Variants in NPIPB2 observed in about 807,000 individuals in gnomAD.
The protein encoded by NPIPB2 is nuclear pore complex-interacting protein family member B2.
In NPIPB2, 27 loss-of-function variants were observed where a neutral mutation model predicts 30.8. The ratio of observed to expected loss-of-function variants is 0.88; its 90% confidence interval spans 0.65 to 1.21. The LOEUF (loss-of-function observed/expected upper bound fraction) is 1.21. Among genes scored for constraint, NPIPB2 ranks in the 50% most tolerant of loss-of-function variants. The probability of loss-of-function intolerance (pLI) is 0.00; values close to 1 mark genes in which losing one functional copy is unlikely to be tolerated. For synonymous variants in NPIPB2, 147 were observed against 162.0 expected, an observed-to-expected ratio of 0.91 and a Z score of 0.70; for missense variants, 440 against 446.2, an observed-to-expected ratio of 0.99 and a Z score of 0.13.
chr16:11,967,822 T>C, intron 1 of NPIPB2: 1 of 1,613,960 alleles, frequency 6.2e-7, no homozygotes, highest in South Asian at 1.1e-5. Context: ...GCTACGGAGA[T>C]AGAGAAATCA....
intron 1 of NPIPB2, among the ~76,000 whole-genome samples, chr16:11,950,351 T>A (rs1285620949): frequency 7.9e-5 from 12 of 152,018 alleles, no homozygotes; most frequent in Admixed American, 7.9e-4. Flanking sequence ...AATTTTTTTC[T>A]AAGAGATAGG....
rs532870878 is a variant in NPIPB2, at chr16:11,974,671, G to A, written c.-584+1897C>T. ...TTAAGTGTATGCTTATGTGTACAAGGTTATGATATAAAATACATTTCTTCA... is the reference window on the plus strand; with the variant it reads ...TTAAGTGTATGCTTATGTGTACAAGATTATGATATAAAATACATTTCTTCA... On this transcript the variant is annotated intron_variant, in intron 1 of 5. Coordinates refer to the NPIPB2 transcript ENST00000538896. Among the ~76,000 whole-genome samples, 68 of 152,294 alleles carry A rather than the reference G, an allele frequency of 4.5e-4. 1 individual carries two copies. The South Asian group carries it at 0.013, about 30-fold the overall frequency.
At chr16:11,936,092 G>A (rs1427346907) in intron 2 of NPIPB2, among the ~76,000 whole-genome samples, 1 of 148,486 alleles carries the variant, frequency 6.7e-6, no homozygotes, top group Non-Finnish European at 1.5e-5. Flanking sequence ...ATCATTTGAG[G>A]TCGGGTTTTG....
rs933777666 is a variant in NPIPB2 at position 11,930,552 on chromosome 16, C to T, written c.489-1G>A. 2.4e-5 allele frequency: 38 copies of T among 1,575,138 alleles called. No homozygotes were observed. In the Admixed American group the frequency reaches 6.3e-4, roughly 26 times the overall value. On this transcript the variant is annotated splice_acceptor_variant, in intron 4 of 7. Coordinates refer to ENST00000399147, the Ensembl canonical transcript of NPIPB2. LOFTEE classifies it high-confidence loss of function. ...CTCACATTCTTTCACGCTTAGTTTC[C>T]TCAGATTAGAAGGGAGAGAAATGCA... is the stretch of plus-strand genomic sequence containing the variant.
intron 1 of NPIPB2, among the ~76,000 whole-genome samples, chr16:11,974,295 A>G (rs1356743293): frequency 6.6e-6 from 1 of 152,150 alleles, no homozygotes; most frequent in Non-Finnish European, 1.5e-5. Flanking sequence ...AGGAGGGTGG[A>G]TCACCTGAGG....
At chr16:11,937,017 A>G (rs956945226) in intron 2 of NPIPB2, among the ~76,000 whole-genome samples, 22 of 151,632 alleles carry the variant, frequency 1.5e-4, no homozygotes, top group Admixed American at 7.2e-4. Flanking sequence ...ATCTCCATCT[A>G]TCTCCCTCTC....
intron 1 of NPIPB2, among the ~76,000 whole-genome samples, chr16:11,940,758 T>TA (rs1205186064): frequency 0.28 from 13,398 of 47,130 alleles, 2,921 homozygotes; most frequent in Non-Finnish European, 0.4. Context: ...AGACTCTGTC[T>TA]AAAAAAAAAA....
At chr16:11,962,045 C>T (rs1329614990) in intron 1 of NPIPB2, among the ~76,000 whole-genome samples, 1 of 151,498 alleles carries the variant, frequency 6.6e-6, no homozygotes, top group Non-Finnish European at 1.5e-5. Flanking sequence ...ACAAAAAATA[C>T]AAAAATTAGC....
At chr16:11,955,353 C>CAAA (rs34066078) in intron 1 of NPIPB2, among the ~76,000 whole-genome samples, 113 of 46,332 alleles carry the variant, frequency 2.4e-3, no homozygotes, top group Admixed American at 3.7e-3. Flanking sequence ...AACTCTGTGT[C>CAAA]AAAAAAAAAA....
chr16:11,968,023 G>T, intron 1 of NPIPB2: 3 of 672,334 alleles, frequency 4.5e-6, no homozygotes, highest in South Asian at 4.7e-5. Flanking sequence ...GGAGCTTAAT[G>T]GTAGAAACTT....
intron 2 of NPIPB2, among the ~76,000 whole-genome samples, chr16:11,936,308 T>C (rs1317166625): frequency 6.6e-6 from 1 of 151,184 alleles, no homozygotes; most frequent in Non-Finnish European, 1.5e-5. Flanking sequence ...GTCTTGAGGG[T>C]GAGAAAAGAA....
intron 1 of NPIPB2, among the ~76,000 whole-genome samples, chr16:11,951,509 T>C: frequency 7.7e-6 from 1 of 130,128 alleles, no homozygotes; most frequent in African/African-American, 3.0e-5. Context: ...TTACTCAGAA[T>C]TCAAAACAAA....
chr16:11,963,979 G>A (rs2055173710), intron 1 of NPIPB2: 1 of 151,172 alleles, frequency 6.6e-6, no homozygotes, highest in African/African-American at 2.4e-5. Flanking sequence ...AGGCTGCAGT[G>A]AGCTGTGATT....
chr16:11,965,339 T>C, intron 1 of NPIPB2: 1 of 1,614,246 alleles, frequency 6.2e-7, no homozygotes, highest in Non-Finnish European at 8.5e-7. Context: ...TGCAGATGGC[T>C]GGGCAGTGCT....
chr16:11,973,676 T>G (rs760532775), intron 1 of NPIPB2, among the ~76,000 whole-genome samples: 6 of 151,042 alleles, frequency 4.0e-5, no homozygotes, highest in Non-Finnish European at 8.8e-5. Context: ...CAAGCGATTC[T>G]CCTGCCTCAG....
chr16:11,964,031 CAAAAA>C, intron 1 of NPIPB2: 1 of 88,706 alleles, frequency 1.1e-5, no homozygotes, highest in Non-Finnish European at 2.6e-5. Context: ...GAGACTCTGT[CAAAAA>C]AAAAAAAAAA....
chr16:11,959,923 G>A (rs930093877), intron 1 of NPIPB2, among the ~76,000 whole-genome samples: 3 of 152,160 alleles, frequency 2.0e-5, no homozygotes, highest in African/African-American at 4.8e-5. Context: ...CCACAAGCAC[G>A]CACTACCACA....
chr16:11,967,554 G>T (rs751449017), intron 1 of NPIPB2: 12 of 1,603,644 alleles, frequency 7.5e-6, no homozygotes, highest in Non-Finnish European at 9.4e-6. Context: ...TAATGTTTCC[G>T]TTTCTACATA....
chr16:11,970,874 A>C (rs1486437665), intron 1 of NPIPB2, among the ~76,000 whole-genome samples: 1 of 125,424 alleles, frequency 8.0e-6, no homozygotes, highest in Non-Finnish European at 1.7e-5. Context: ...TTTTTTTTTG[A>C]GATAGGGTCT....
Sources: allele counts gnomAD v4.1 joint callset (sites outside exome capture counted in the v4.1 genomes callset), GRCh38; gene constraint gnomAD v4.1.1; transcripts MANE v1.5; gene names NCBI Gene and HGNC (gene_info 2026-07-23, HGNC 2026-07-21).